Variants in ADGRE2 observed in about 807,000 individuals in gnomAD.
ADGRE2 encodes the protein adhesion G protein-coupled receptor E2.
In ADGRE2, 83 loss-of-function variants were observed where a neutral mutation model predicts 100.8. The observed-to-expected ratio is 0.82, with a 90% CI of 0.69 to 0.99. The LOEUF is 0.99. ADGRE2 is among the 50% of genes least tolerant of loss of function. ADGRE2 has a pLI of 0.00. For missense variants in ADGRE2, 814 were observed against 1,035.7 expected (o/e 0.79, Z 2.94); for synonymous variants, 355 against 413.0 (o/e 0.86, Z 1.70).
intron 11 of ADGRE2, among the ~76,000 whole-genome samples, chr19:14,756,693 A>G (rs2043512943): frequency 6.6e-6 from 1 of 152,194 alleles, no homozygotes; most frequent in Non-Finnish European, 1.5e-5. Context: ...AATGAACATG[A>G]ATCTTTTACC....
chr19:14,775,015 T>A (rs1437969525), intron 2 of ADGRE2, among the ~76,000 whole-genome samples: 1 of 151,086 alleles, frequency 6.6e-6, no homozygotes, highest in African/African-American at 2.4e-5. Context: ...TTATTTATTT[T>A]TTTTTGAGAT....
At chr19:14,750,533 A>T (rs2043253107) in intron 16 of ADGRE2, among the ~76,000 whole-genome samples, 1 of 151,984 alleles carries the variant, frequency 6.6e-6, no homozygotes, top group African/African-American at 2.4e-5. Context: ...TGTTCTAGTC[A>T]ACAGTGTCCT....
chr19:14,759,189 C>T (rs1330166569), intron 11 of ADGRE2, among the ~76,000 whole-genome samples: 1 of 151,990 alleles, frequency 6.6e-6, no homozygotes, highest in Non-Finnish European at 1.5e-5. Context: ...AAGAGGGAGC[C>T]CCCACGTTGA....
Position 14,751,596 on chromosome 19 carries a change from G to C in ADGRE2, c.1864C>G (p.Leu622Val). The C allele has an allele frequency of 1.9e-6, 3 of 1,614,064 alleles. No individual in the cohort carries two copies. Among genetic ancestry groups the C allele is most frequent in the Non-Finnish European group, 2.5e-6 (3 of 1,180,030 alleles). The change falls in exon 16 of 21, where the codon CTG becomes GTG. Residue 622 changes from leucine (L) to valine (V), a missense_variant. This residue lies in a region of ADGRE2 where 569 missense variants were observed against 692.7 expected (regional missense o/e 0.82). Coordinates refer to ENST00000315576, the MANE Select transcript of ADGRE2 (RefSeq NM_013447.4). The part of the protein sequence containing the change: ...ATLTWMLLEA[L>V]YLFLTARNLT... The stretch of plus-strand genomic sequence containing the variant: ...TTCCGTGCAGTGAGGAAGAGGTACA[G>C]GGCCTCCAGCAGCATCCAGGTCAAG...
chr19:14,755,294 AAT>A (rs374282617), intron 13 of ADGRE2, among the ~76,000 whole-genome samples, 167 bp from the exon 14 acceptor site: 21,586 of 128,192 alleles, frequency 0.17, 1,806 homozygotes, highest in South Asian at 0.21. Flanking sequence ...AAAAAAAAAA[AAT>A]ACAAAAATTA....
chr19:14,755,899 G>T, intron 12 of ADGRE2, 22 bp from the exon 13 acceptor site: 1 of 1,595,776 alleles, frequency 6.3e-7, no homozygotes, highest in African/African-American at 1.3e-5. Context: ...GGCCAAGGTT[G>T]AATCTTGGAG....
At chr19:14,758,132 C>A (rs1047115060) in intron 11 of ADGRE2, among the ~76,000 whole-genome samples, 8 of 152,098 alleles carry the variant, frequency 5.3e-5, no homozygotes, top group African/African-American at 9.7e-5. Flanking sequence ...AAATATGACA[C>A]CAATTGCACA....
At chr19:14,773,350 C>T (rs2044293406) in intron 4 of ADGRE2, among the ~76,000 whole-genome samples, 2 of 144,404 alleles carry the variant, frequency 1.4e-5, no homozygotes, top group African/African-American at 5.1e-5. Flanking sequence ...CTTTCCCTCC[C>T]TCCCTCTCTC....
rs934387505 is a variant in ADGRE2 at position 14,733,919 on chromosome 19, A to G, written c.*2317T>C. Reference sequence around the variant, plus strand: ...AATGGTTACTTGGGGGGTAGCATTCAAAGTTCTCCAAAGCCCCTAAATCAA... The same window carrying G: ...AATGGTTACTTGGGGGGTAGCATTCGAAGTTCTCCAAAGCCCCTAAATCAA... On this transcript the variant is annotated 3_prime_UTR_variant, in exon 21 of 21. Coordinates refer to ENST00000315576, the MANE Select transcript of ADGRE2 (RefSeq NM_013447.4). The G allele has an allele frequency of 1.3e-5, 2 of 152,276 alleles. No individual in the cohort carries two copies. The highest frequency in any genetic ancestry group is 4.8e-5 in the African/African-American group (2 of 41,470). The allele number at this position is 152,276 out of a possible 1,614,324, so 9.4% of individuals were successfully genotyped here.
intron 1 of ADGRE2, among the ~76,000 whole-genome samples, chr19:14,777,628 A>G (rs2044485888): frequency 6.6e-6 from 1 of 151,978 alleles, no homozygotes; most frequent in African/African-American, 2.4e-5. Flanking sequence ...ATTTCTCCTA[A>G]TGCAATCCCT....
In ADGRE2 at chr19:14,749,557, T is replaced by C. The variant is rs1395235260; in HGVS notation, c.2024+1879A>G. On this transcript the variant is annotated intron_variant, in intron 16 of 20. Coordinates refer to ENST00000315576, the MANE Select transcript of ADGRE2 (RefSeq NM_013447.4). The stretch of plus-strand genomic sequence containing the variant: ...TTATGGTTATATAATTATTTATAGT[T>C]ATGTTATGTAATTATTTATAGTTAT... Among the ~76,000 whole-genome samples, 6 of 139,532 alleles carry C rather than the reference T, an allele frequency of 4.3e-5. 1 individual carries two copies. The highest frequency in any genetic ancestry group is 1.3e-4 in the African/African-American group (5 of 38,190). The allele number at this position is 139,532 out of a possible 152,430, so 91.5% of individuals were successfully genotyped here. A position where few individuals can be genotyped will look rare whatever the true frequency, so the allele number is the denominator to read the frequency against.
At chr19:14,738,050 A>G (rs888756175) in intron 20 of ADGRE2, among the ~76,000 whole-genome samples, 10 of 152,088 alleles carry the variant, frequency 6.6e-5, no homozygotes, top group African/African-American at 2.4e-4. Context: ...ATTTCAAACT[A>G]GCTAGAAGAG....
chr19:14,777,727 G>C (rs1422976968), intron 1 of ADGRE2, among the ~76,000 whole-genome samples: 1 of 142,944 alleles, frequency 7.0e-6, no homozygotes, highest in Non-Finnish European at 1.5e-5. Flanking sequence ...TCCCACCTAT[G>C]AGTGAGAACA....
rs537303291 is a variant in ADGRE2, at chr19:14,752,987, G to T, written c.1591-461C>A. Among the ~76,000 whole-genome samples, 15 of 152,112 alleles carry T rather than the reference G, an allele frequency of 9.9e-5. No homozygotes were observed. The East Asian group carries it at 1.9e-3, about 20-fold the overall frequency. ...GGGTCACACCATGTTGGCCAGGCTG[G>T]TCTTGAACTCCTGACCTCATGATCC... On this transcript the variant is annotated intron_variant, in intron 14 of 20. Transcript: ENST00000315576.
downstream of ADGRE2, among the ~76,000 whole-genome samples, chr19:14,727,487 G>A (rs1026289118): frequency 6.6e-6 from 1 of 152,170 alleles, no homozygotes; most frequent in Admixed American, 6.5e-5. Context: ...GCAAGAGACA[G>A]AGTAGAGACG....
rs143963164 is a variant in ADGRE2 at position 14,743,918 on chromosome 19, T to C, written c.2184-134A>G. Reference sequence around the variant, plus strand: ...GACTGGGCTGTGGTCAGCTTAGATATTTACTGTCAACTATAGCCCACAGTA... The same window carrying C: ...GACTGGGCTGTGGTCAGCTTAGATACTTACTGTCAACTATAGCCCACAGTA... On this transcript the variant is annotated intron_variant, in intron 18 of 20. Transcript: ENST00000315576. 3.5e-3 allele frequency: 2,951 copies of C among 846,814 alleles called. 60 individuals are homozygous for C. In the African/African-American group the frequency reaches 0.045, roughly 13 times the overall value. The allele number at this position is 846,814 out of a possible 1,614,324, so 52.5% of individuals were successfully genotyped here.
At position 14,775,721 on chromosome 19, in the gene ADGRE2, G is replaced by A. The variant is rs1254414478; in HGVS notation, c.31+1005C>T. 7.9e-5 allele frequency among the ~76,000 whole-genome samples: 12 copies of A among 151,966 alleles called. No homozygotes were observed. The South Asian group carries it at 8.3e-4, about 11-fold the overall frequency. ...TAAAAATACAAAACATTAGCTGGGCGTGGTGGCAGACTCCTGTTACCCAAC... is the reference window on the plus strand; with the variant it reads ...TAAAAATACAAAACATTAGCTGGGCATGGTGGCAGACTCCTGTTACCCAAC... On this transcript the variant is annotated intron_variant, in intron 2 of 20. Coordinates refer to ENST00000315576, the MANE Select transcript of ADGRE2 (RefSeq NM_013447.4).
chr19:14,755,546 G>A, intron 13 of ADGRE2, 108 bp downstream of exon 13: 1 of 981,960 alleles, frequency 1.0e-6, no homozygotes, highest in South Asian at 1.4e-5. Context: ...TTCCTGGGGA[G>A]ATAATGTACC....
At chr19:14,751,926 TATA>T in intron 15 of ADGRE2, among the ~76,000 whole-genome samples, 1 of 60,820 alleles carries the variant, frequency 1.6e-5, no homozygotes, top group African/African-American at 8.9e-5. Flanking sequence ...TATATATATA[TATA>T]TATTTTTTTT....
Sources: allele counts gnomAD v4.1 joint callset (sites outside exome capture counted in the v4.1 genomes callset), GRCh38; gene constraint gnomAD v4.1.1; regional missense constraint gnomAD v4.1.1; transcripts MANE v1.5; gene names NCBI Gene and HGNC (gene_info 2026-07-23, HGNC 2026-07-21).